Variants in MAPK4 observed in about 807,000 individuals in gnomAD.
The protein encoded by MAPK4 is mitogen-activated protein kinase 4, also known as Erk3-related.
In MAPK4, 22 loss-of-function variants were observed where a neutral mutation model predicts 47.7. The ratio of observed to expected loss-of-function variants is 0.46; its 90% confidence interval spans 0.33 to 0.66. The LOEUF is 0.66. Among genes scored for constraint, MAPK4 ranks in the 30% least tolerant of loss-of-function variants. The probability of loss-of-function intolerance (pLI) is 0.02; values close to 1 mark genes in which losing one functional copy is unlikely to be tolerated. For missense variants in MAPK4, 736 were observed against 831.7 expected, an observed-to-expected ratio of 0.88 and a Z score of 1.42; for synonymous variants, 390 against 365.7, an observed-to-expected ratio of 1.07 and a Z score of -0.76.
intron 1 of MAPK4, among the ~76,000 whole-genome samples, chr18:50,604,553 C>T (rs762857370): frequency 1.3e-5 from 2 of 152,180 alleles, no homozygotes; most frequent in Non-Finnish European, 2.9e-5. Context: ...TTTATAGATA[C>T]ATGTGAGAAC....
chr18:50,574,582 T>C (rs1228263388), intron 1 of MAPK4, among the ~76,000 whole-genome samples: 1 of 152,162 alleles, frequency 6.6e-6, no homozygotes, highest in Non-Finnish European at 1.5e-5. Flanking sequence ...ATTACAGAGA[T>C]TGACCATCAA....
In MAPK4 at chr18:50,583,325, C is replaced by T. The variant is rs556542423; in HGVS notation, c.-871+23082C>T. On this transcript the variant is annotated intron_variant, in intron 1 of 5. Coordinates refer to ENST00000400384, the MANE Select transcript of MAPK4 (RefSeq NM_002747.4). ...CCAATCAGCCAGGTGCGGTGGCTCA[C>T]GCCTGTAATCCTAGCACTTTGGGAG... 2.5e-4 allele frequency among the ~76,000 whole-genome samples: 38 copies of T among 152,300 alleles called. No homozygotes were observed. The East Asian group carries it at 6.6e-3, about 26-fold the overall frequency.
At chr18:50,644,803 G>A (rs1408075462) in intron 1 of MAPK4, among the ~76,000 whole-genome samples, 1 of 152,154 alleles carries the variant, frequency 6.6e-6, no homozygotes. Flanking sequence ...AGGAAGAGAG[G>A]GCACCGCAGA....
chr18:50,655,796 C>A (rs993020625), intron 1 of MAPK4, among the ~76,000 whole-genome samples: 2 of 152,164 alleles, frequency 1.3e-5, no homozygotes, highest in Non-Finnish European at 2.9e-5. Context: ...CCTACTCACT[C>A]TGGAGGGATT....
chr18:50,697,309 C>T (rs375139894), intron 2 of MAPK4, among the ~76,000 whole-genome samples: 106 of 152,324 alleles, frequency 7.0e-4, no homozygotes, highest in South Asian at 1.4e-3. Flanking sequence ...AACCTACCGG[C>T]GTAGCATATG....
At chr18:50,707,443 A>G (rs866166679) in intron 2 of MAPK4, among the ~76,000 whole-genome samples, 49 of 151,848 alleles carry the variant, frequency 3.2e-4, no homozygotes, top group African/African-American at 1.1e-3. Context: ...GGTGGCCCGC[A>G]CCTGTAGTCC....
intron 1 of MAPK4, among the ~76,000 whole-genome samples, chr18:50,654,848 G>A (rs776740716): frequency 1.3e-5 from 2 of 152,220 alleles, no homozygotes; most frequent in Non-Finnish European, 2.9e-5. Context: ...ATTTCTCTCC[G>A]TGCTATTTTA....
intron 1 of MAPK4, among the ~76,000 whole-genome samples, chr18:50,648,966 C>T (rs942070225): frequency 3.3e-5 from 5 of 152,178 alleles, no homozygotes; most frequent in Non-Finnish European, 7.3e-5. Context: ...GGACTCTACG[C>T]CTCTCTGCAA....
chr18:50,651,100 C>T (rs991787415), intron 1 of MAPK4, among the ~76,000 whole-genome samples: 1 of 152,042 alleles, frequency 6.6e-6, no homozygotes. Context: ...GGATGGTCAC[C>T]TTTTTCAGCA....
intron 1 of MAPK4, among the ~76,000 whole-genome samples, chr18:50,620,341 A>G (rs2042720939): frequency 6.6e-6 from 1 of 152,272 alleles, no homozygotes; most frequent in Non-Finnish European, 1.5e-5. Flanking sequence ...CCAGAAGGCC[A>G]GAATCTCTCA....
intron 4 of MAPK4, 21 bp from the exon 5 acceptor site, chr18:50,725,941 G>A (rs1379586500): frequency 6.2e-7 from 1 of 1,604,472 alleles, no homozygotes. Flanking sequence ...TGACCTTCAT[G>A]TCCGGCTTTG....
At chr18:50,679,992 G>A (rs1293513451) in intron 2 of MAPK4, among the ~76,000 whole-genome samples, 2 of 150,624 alleles carry the variant, frequency 1.3e-5, no homozygotes, top group Non-Finnish European at 1.5e-5. Context: ...CCCAGCGCTC[G>A]CCGCCCCACA....
At chr18:50,625,351 A>AT (rs1312566277) in intron 1 of MAPK4, among the ~76,000 whole-genome samples, 2 of 152,014 alleles carry the variant, frequency 1.3e-5, no homozygotes, top group East Asian at 3.9e-4. Context: ...TTATGGCAAG[A>AT]TTTTTTTCCT....
intron 1 of MAPK4, among the ~76,000 whole-genome samples, chr18:50,613,691 A>T (rs1252053643): frequency 6.6e-6 from 1 of 152,250 alleles, no homozygotes; most frequent in East Asian, 1.9e-4. Context: ...CTTGTGTGAC[A>T]CATAGTTCTA....
At chr18:50,691,129 A>G (rs1372740777) in intron 2 of MAPK4, among the ~76,000 whole-genome samples, 1 of 152,022 alleles carries the variant, frequency 6.6e-6, no homozygotes, top group Admixed American at 6.6e-5. Flanking sequence ...TGTAGCTTGG[A>G]CTACAGGTGT....
intron 2 of MAPK4, among the ~76,000 whole-genome samples, chr18:50,679,358 T>C (rs547253901): frequency 6.6e-6 from 1 of 152,312 alleles, no homozygotes; most frequent in East Asian, 1.9e-4. Flanking sequence ...GGTCGGAAGC[T>C]AGGGAAGGAG....
At chr18:50,622,368 A>G (rs2042739780) in intron 1 of MAPK4, among the ~76,000 whole-genome samples, 1 of 152,194 alleles carries the variant, frequency 6.6e-6, no homozygotes. Flanking sequence ...GCTTCCTCTG[A>G]TGTGTGGGGA....
chr18:50,664,482 T>C lies in MAPK4; in HGVS notation c.524T>C (p.Val175Ala), dbSNP rs766712842. ...GGGGATTTCGGGTTGGCAAGGATCG[T>C]TGATCAGCATTACTCCCACAAGGTA... ...KIGDFGLARIVDQHYSHKGYL... is the reference protein window; with the variant it reads ...KIGDFGLARIADQHYSHKGYL... Residue 175 changes from valine to alanine, a missense_variant, in exon 2 of 6, where the codon GTT (valine) becomes GCT (alanine). Physicochemically the swap from Val to Ala is moderately conservative, Grantham distance 64. This residue lies in a region of MAPK4 where 327 missense variants were observed against 395.4 expected (regional missense o/e 0.83). Transcript: ENST00000400384. The surrounding 1 kb of genome is among the most constrained non-coding windows in gnomAD (Gnocchi z 6.0). The C allele has an allele frequency of 4.4e-6, 7 of 1,602,230 alleles. No homozygotes were observed. The highest frequency in any genetic ancestry group is 8.5e-7 in the Non-Finnish European group (1 of 1,172,716).
At chr18:50,689,449 T>G (rs111455348) in intron 2 of MAPK4, among the ~76,000 whole-genome samples, 2 of 151,498 alleles carry the variant, frequency 1.3e-5, no homozygotes, top group African/African-American at 4.8e-5. Context: ...TGCCTGGAAT[T>G]CTGATTCCTC....
Sources: allele counts gnomAD v4.1 joint callset (sites outside exome capture counted in the v4.1 genomes callset), GRCh38; gene constraint gnomAD v4.1.1; regional missense constraint gnomAD v4.1.1; non-coding constraint Gnocchi (gnomAD v3.1); transcripts MANE v1.5; gene names NCBI Gene and HGNC (gene_info 2026-07-23, HGNC 2026-07-21).